The following MON2 variants were observed in gnomAD, a reference collection of about 807,000 sequenced individuals.
MON2 encodes MON2 regulator of endosome-to-Golgi trafficking, also known as protein MON2 homolog.
MON2 carries 84 observed loss-of-function variants against 208.6 expected under a neutral mutation model. The ratio of observed to expected loss-of-function variants is 0.40; its 90% confidence interval spans 0.34 to 0.48. MON2 has a LOEUF of 0.48. MON2 is among the 20% of genes least tolerant of loss of function. MON2 has a pLI of 0.59. For missense variants in MON2, 1,611 were observed against 2,015.4 expected, an observed-to-expected ratio of 0.80 and a Z score of 3.84; for synonymous variants, 660 against 694.0, an observed-to-expected ratio of 0.95 and a Z score of 0.77.
rs770254555 is a variant in MON2, at chr12:62,592,737, T to C, written c.5142T>C (p.Asn1714=). 23 of 1,593,574 alleles carry C rather than the reference T, an allele frequency of 1.4e-5. No homozygotes were observed. The South Asian group carries it at 2.6e-4, about 18-fold the overall frequency. The part of the protein sequence containing the change: ...FMQPPASRVQ[N]GES The stretch of plus-strand genomic sequence containing the variant: ...AGCCACCAGCATCCAGAGTTCAAAA[T>C]GGAGAATCTTGACCGGCTACAATAT... Residue 1714 remains asparagine, a synonymous_variant, in exon 35 of 35, where the codon AAT becomes AAC. Transcript: ENST00000393630.
intron 8 of MON2, chr12:62,509,116 CT>C (rs554355044): frequency 1.4e-3 from 191 of 137,484 alleles, no homozygotes; most frequent in Admixed American, 1.7e-3. Flanking sequence ...TCTTCTTCTT[CT>C]TTTTTTTTTT....
chr12:62,470,931 G>C (rs937152808), intron 1 of MON2, among the ~76,000 whole-genome samples: 3 of 152,162 alleles, frequency 2.0e-5, no homozygotes. Flanking sequence ...GAAGCAAAGA[G>C]AGCAAAGTTT....
rs1253206266 is a variant in MON2, at chr12:62,595,581, T to G, written c.*2832T>G. 6.6e-6 allele frequency: 1 copy of G among 152,360 alleles called. No homozygotes were observed. Among genetic ancestry groups the G allele is most frequent in the East Asian group, 1.9e-4 (1 of 5,192 alleles). The allele number at this position is 152,360 out of a possible 1,614,324, so 9.4% of individuals were successfully genotyped here. ...CTTTTTCTGGCCATTTTGTCCATTATAAAGGAAATAAACTAATTGTTAACT... is the reference window on the plus strand; with the variant it reads ...CTTTTTCTGGCCATTTTGTCCATTAGAAAGGAAATAAACTAATTGTTAACT... On this transcript the variant is annotated 3_prime_UTR_variant, in exon 35 of 35. Transcript: ENST00000393630.
chr12:62,511,408 GACAC>G (rs1041133391), intron 8 of MON2, among the ~76,000 whole-genome samples: 2 of 152,072 alleles, frequency 1.3e-5, no homozygotes, highest in Non-Finnish European at 2.9e-5. Context: ...CTGGCATAAA[GACAC>G]ACACAAAAAC....
intron 33 of MON2, 170 bp from the exon 34 acceptor site, chr12:62,587,900 TATAA>T (rs1339552996): frequency 7.9e-6 from 4 of 508,184 alleles, no homozygotes; most frequent in African/African-American, 4.0e-5. Context: ...CTGAAGTACA[TATAA>T]ATAAAATGAT....
At chr12:62,559,332 A>G in intron 25 of MON2, among the ~76,000 whole-genome samples, 1 of 152,352 alleles carries the variant, frequency 6.6e-6, no homozygotes, top group East Asian at 1.9e-4. Context: ...AATCCATGTT[A>G]TTAACAAAGC....
chr12:62,555,005 C>G (rs953034987), intron 24 of MON2, among the ~76,000 whole-genome samples: 12 of 151,808 alleles, frequency 7.9e-5, no homozygotes, highest in Non-Finnish European at 1.6e-4. Context: ...ACTGTGTTAG[C>G]CAGGATGGTC....
intron 16 of MON2, 117 bp downstream of exon 16, chr12:62,537,823 T>C: frequency 1.2e-6 from 1 of 816,280 alleles, no homozygotes; most frequent in Non-Finnish European, 1.9e-6. Context: ...ATAGTAAGTA[T>C]GAAAAAAGAG....
rs1371898518 is a variant in MON2 at position 62,508,355 on chromosome 12, A to G, written c.859A>G (p.Ile287Val). ...TGTGATAAAGCTCTTTTCTCCAAAT[A>G]TAAAGTTCAGACAAGGTTCCAGCAC... is the stretch of plus-strand genomic sequence containing the variant. ...PLVIKLFSPNIKFRQGSSTSS... is the reference protein window; with the variant it reads ...PLVIKLFSPNVKFRQGSSTSS... Residue 287 changes from isoleucine to valine, a missense_variant, in exon 8 of 35, where the codon ATA (isoleucine) becomes GTA (valine). Physicochemically the swap from Ile to Val is conservative, Grantham distance 29. Transcript: ENST00000393630. 2 of 1,614,062 alleles carry G rather than the reference A, an allele frequency of 1.2e-6. No homozygotes were observed. The highest frequency in any genetic ancestry group is 1.7e-6 in the Non-Finnish European group (2 of 1,179,930).
intron 1 of MON2, among the ~76,000 whole-genome samples, chr12:62,474,030 T>C (rs1363126400): frequency 1.3e-5 from 2 of 152,106 alleles, no homozygotes; most frequent in South Asian, 2.1e-4. Context: ...CTTTACTGAG[T>C]GTAGATCTGC....
At chr12:62,575,923 A>G (rs947064598) in intron 30 of MON2, among the ~76,000 whole-genome samples, 2 of 152,194 alleles carry the variant, frequency 1.3e-5, no homozygotes, top group African/African-American at 4.8e-5. Context: ...TGTGGACCTT[A>G]CATTAAAAAT....
At chr12:62,487,267 A>G (rs922916553) in intron 2 of MON2, among the ~76,000 whole-genome samples, 1 of 152,130 alleles carries the variant, frequency 6.6e-6, no homozygotes, top group African/African-American at 2.4e-5. Context: ...TTATATGAAT[A>G]TTATATATTA....
At chr12:62,471,815 G>A (rs1209646330) in intron 1 of MON2, among the ~76,000 whole-genome samples, 1 of 152,158 alleles carries the variant, frequency 6.6e-6, no homozygotes, top group Admixed American at 6.5e-5. Flanking sequence ...AGTGGCATAA[G>A]TATATGAACA....
chr12:62,580,296 G>C lies in MON2; in HGVS notation c.4576-1G>C. ...ATTTGCATTTGCCTCTTTTGTTTTA[G>C]GTAGTTCAACTTATCAGCAATGAGA... On this transcript the variant is annotated splice_acceptor_variant, in intron 31 of 34. Coordinates refer to ENST00000393630, the MANE Select transcript of MON2 (RefSeq NM_015026.3). LOFTEE classifies it high-confidence loss of function. The C allele has an allele frequency of 6.2e-7, 1 of 1,608,672 alleles. No individual in the cohort carries two copies. Among genetic ancestry groups the C allele is most frequent in the Non-Finnish European group, 8.5e-7 (1 of 1,177,412 alleles).
intron 14 of MON2, among the ~76,000 whole-genome samples, 162 bp downstream of exon 14, chr12:62,535,871 G>T: frequency 1.0e-5 from 1 of 97,930 alleles, no homozygotes; most frequent in East Asian, 3.7e-4. Context: ...ATGGGGTGGG[G>T]GGTGGGGGGT....
intron 30 of MON2, among the ~76,000 whole-genome samples, chr12:62,574,318 A>C (rs2074700739): frequency 6.6e-6 from 1 of 152,178 alleles, no homozygotes. Flanking sequence ...AAAATTCTAA[A>C]GGCCAAAACT....
At chr12:62,512,020 T>A (rs2071432437) in intron 8 of MON2, among the ~76,000 whole-genome samples, 1 of 152,112 alleles carries the variant, frequency 6.6e-6, no homozygotes, top group Non-Finnish European at 1.5e-5. Flanking sequence ...CCAGATCTTG[T>A]GAGACTTACT....
At chr12:62,573,387 A>G (rs2074667474) in intron 30 of MON2, among the ~76,000 whole-genome samples, 1 of 149,456 alleles carries the variant, frequency 6.7e-6, no homozygotes, top group African/African-American at 2.4e-5. Context: ...ATAAGCTTTC[A>G]GATCAGCTTT....
chr12:62,515,200 C>T (rs999204164), intron 8 of MON2, among the ~76,000 whole-genome samples: 18 of 152,156 alleles, frequency 1.2e-4, no homozygotes, highest in African/African-American at 2.4e-4. Context: ...TGTTCATTGT[C>T]GCATTTTTGT....
Sources: gnomAD v4.1 joint callset for allele counts (sites outside exome capture counted in the v4.1 genomes callset) on GRCh38, gnomAD v4.1.1 for gene constraint, MANE v1.5 for transcripts, NCBI Gene and HGNC (gene_info 2026-07-23, HGNC 2026-07-21) for gene names.